The following RAP1GAP2 variants were observed in gnomAD, a reference collection of about 807,000 sequenced individuals.
The protein encoded by RAP1GAP2 is rap1 GTPase-activating protein 2.
RAP1GAP2 carries 27 observed loss-of-function variants against 95.0 expected under a neutral mutation model. That is an observed-to-expected ratio of 0.28 (90% CI 0.21 to 0.39). The LOEUF (loss-of-function observed/expected upper bound fraction) is 0.39. RAP1GAP2 is among the 10% of genes least tolerant of loss of function. The pLI is 1.00. For missense variants in RAP1GAP2, 771 were observed against 970.0 expected (o/e 0.79, Z 2.72); for synonymous variants, 373 against 380.9 (o/e 0.98, Z 0.24).
intron 16 of RAP1GAP2, among the ~76,000 whole-genome samples, chr17:3,007,643 C>T (rs2046378905): frequency 6.6e-6 from 1 of 152,204 alleles, no homozygotes; most frequent in African/African-American, 2.4e-5. Context: ...ATGTGCATGG[C>T]TCTGGACGAA....
At chr17:2,999,767 C>T (rs1378387701) in intron 14 of RAP1GAP2, among the ~76,000 whole-genome samples, 10 of 149,240 alleles carry the variant, frequency 6.7e-5, no homozygotes, top group Admixed American at 4.0e-4. Context: ...GGCAACATAG[C>T]GAGACCCTGT....
intron 2 of RAP1GAP2, among the ~76,000 whole-genome samples, chr17:2,859,492 G>A (rs1422319025): frequency 6.6e-6 from 1 of 152,126 alleles, no homozygotes; most frequent in East Asian, 1.9e-4. Context: ...GTGGAGTGCA[G>A]TGGTATGATC....
chr17:3,012,603 CTCAAAA>C (rs2046590795), intron 17 of RAP1GAP2, among the ~76,000 whole-genome samples: 1 of 35,536 alleles, frequency 2.8e-5, no homozygotes, highest in African/African-American at 1.6e-4. Context: ...CAGACTGTGT[CTCAAAA>C]AAAAAAAAAA....
intron 9 of RAP1GAP2, 43 bp downstream of exon 9, chr17:2,980,408 C>T: frequency 6.3e-7 from 1 of 1,588,588 alleles, no homozygotes; most frequent in Non-Finnish European, 8.6e-7. Context: ...CCTCTCTCAG[C>T]CCAGGGCTGG....
At position 2,980,449 on chromosome 17, in the gene RAP1GAP2, G is replaced by T. The variant is rs370359701; in HGVS notation, c.675+84G>T. ...GGAATGGGGGTGCAGGTATATCCTG[G>T]GTAGGCTCAGCCCTTAGAGAAGGGG... On this transcript the variant is annotated intron_variant, in intron 9 of 24. Transcript: ENST00000254695. The T allele has an allele frequency of 1.7e-3, 2,274 of 1,377,114 alleles. 83 individuals carry two copies. The South Asian group carries it at 0.026, about 15-fold the overall frequency. 85.3% of individuals were successfully genotyped at this position (1,377,114 alleles called of 1,614,324 possible).
chr17:2,952,193 T>G (rs1339067865), intron 3 of RAP1GAP2, among the ~76,000 whole-genome samples: 1 of 152,160 alleles, frequency 6.6e-6, no homozygotes, highest in African/African-American at 2.4e-5. Context: ...TACAAACACA[T>G]TCTTTATGTT....
At chr17:2,808,106 G>A (rs1351149999) in intron 2 of RAP1GAP2, among the ~76,000 whole-genome samples, 1 of 151,914 alleles carries the variant, frequency 6.6e-6, no homozygotes, top group East Asian at 1.9e-4. Flanking sequence ...TTTTCCTTTC[G>A]CCCAGTAAAT....
chr17:2,815,434 G>A (rs191568026), intron 2 of RAP1GAP2, among the ~76,000 whole-genome samples: 1 of 150,670 alleles, frequency 6.6e-6, no homozygotes, highest in African/African-American at 2.4e-5. Context: ...CTCAACACAT[G>A]TAACCTGCCT....
rs2044174599 is a variant in RAP1GAP2 at position 2,957,789 on chromosome 17, A to G, written c.196A>G (p.Met66Val). The G allele has an allele frequency of 1.2e-6, 2 of 1,608,190 alleles. No homozygotes were observed. The highest frequency in any genetic ancestry group is 4.5e-5 in the East Asian group (2 of 44,246). ...SSEFFEMLEK[M>V]QGIKLEEQKP... ...GGAGTTCTTTGAGATGCTGGAGAAA[A>G]TGCAGGTGAGTACGTACCCCCACCG... Residue 66 changes from methionine to valine, a missense_variant, in exon 4 of 25, where the codon ATG becomes GTG. Coordinates refer to ENST00000254695, the MANE Select transcript of RAP1GAP2 (RefSeq NM_015085.5).
intron 1 of RAP1GAP2, among the ~76,000 whole-genome samples, chr17:2,761,336 T>C (rs1218474808): frequency 6.7e-6 from 1 of 149,938 alleles, no homozygotes; most frequent in African/African-American, 2.5e-5. Flanking sequence ...TTGCCCAGGC[T>C]GGAGTGCAAT....
chr17:2,998,004 T>C (rs2046025579), intron 13 of RAP1GAP2, among the ~76,000 whole-genome samples: 1 of 150,664 alleles, frequency 6.6e-6, no homozygotes, highest in African/African-American at 2.4e-5. Context: ...ACTCAAAAGA[T>C]ACACAAAGCA....
intron 10 of RAP1GAP2, among the ~76,000 whole-genome samples, chr17:2,984,136 G>A (rs1269494412): frequency 1.3e-5 from 2 of 152,156 alleles, no homozygotes; most frequent in African/African-American, 4.8e-5. Context: ...GGATCACAAG[G>A]TCAGGAGTTC....
intron 3 of RAP1GAP2, among the ~76,000 whole-genome samples, chr17:2,937,546 AGGAG>A (rs2043342470): frequency 6.6e-6 from 1 of 152,192 alleles, no homozygotes; most frequent in South Asian, 2.1e-4. Context: ...CAGCACGTGC[AGGAG>A]GGAGCTGGAA....
intron 8 of RAP1GAP2, among the ~76,000 whole-genome samples, chr17:2,975,691 G>T (rs1447821185): frequency 1.3e-5 from 2 of 152,258 alleles, no homozygotes; most frequent in African/African-American, 4.8e-5. Flanking sequence ...TGCCCTGAGG[G>T]TGGTCTCCTG....
rs527836756 is a variant in RAP1GAP2 at position 2,940,803 on chromosome 17, C to T, written c.166-16956C>T. On this transcript the variant is annotated intron_variant, in intron 3 of 24. Coordinates refer to ENST00000254695, the MANE Select transcript of RAP1GAP2 (RefSeq NM_015085.5). ...GTCTTTCCCCTGCCTGCTGCCAGCCCGGGACTGGCTGTTTTCTTGCCTTTC... is the reference window on the plus strand; with the variant it reads ...GTCTTTCCCCTGCCTGCTGCCAGCCTGGGACTGGCTGTTTTCTTGCCTTTC... Among the ~76,000 whole-genome samples the T allele has an allele frequency of 2.6e-5, 4 of 152,316 alleles. No homozygotes were observed. In the South Asian group the frequency reaches 6.2e-4, roughly 24 times the overall value.
intron 3 of RAP1GAP2, among the ~76,000 whole-genome samples, chr17:2,928,409 G>T (rs1043480283): frequency 1.3e-5 from 2 of 152,014 alleles, no homozygotes; most frequent in Admixed American, 6.5e-5. Flanking sequence ...CCTCTGTTTC[G>T]TCCTGACAAA....
chr17:2,981,392 C>A, intron 10 of RAP1GAP2, 144 bp downstream of exon 10: 1 of 754,290 alleles, frequency 1.3e-6, no homozygotes, highest in Non-Finnish European at 2.2e-6. Context: ...TCTCTCCCTG[C>A]CCACCCCTTC....
At chr17:3,014,295 C>T (rs1011041554) in intron 17 of RAP1GAP2, among the ~76,000 whole-genome samples, 11 of 152,204 alleles carry the variant, frequency 7.2e-5, no homozygotes, top group Admixed American at 3.9e-4. Flanking sequence ...GGTTCCTTTA[C>T]TGAATATTGT....
At chr17:2,874,613 G>T (rs1225454259) in intron 2 of RAP1GAP2, among the ~76,000 whole-genome samples, 1 of 152,196 alleles carries the variant, frequency 6.6e-6, no homozygotes, top group Non-Finnish European at 1.5e-5. Context: ...AAGGTCAACA[G>T]CCTGAACCAG....
Sources: gnomAD v4.1 joint callset for allele counts (sites outside exome capture counted in the v4.1 genomes callset) on GRCh38, gnomAD v4.1.1 for gene constraint, MANE v1.5 for transcripts, NCBI Gene and HGNC (gene_info 2026-07-23, HGNC 2026-07-21) for gene names.